DCAF1: variants seen among roughly 807,000 people sequenced by gnomAD.
The protein encoded by DCAF1 is DDB1- and CUL4-associated factor 1.
In DCAF1, 15 loss-of-function variants were observed where a neutral mutation model predicts 128.0. The ratio of observed to expected loss-of-function variants is 0.12; its 90% confidence interval spans 0.08 to 0.18. DCAF1 has a LOEUF of 0.18. Ranked by LOEUF, DCAF1 falls within the 10% of genes least tolerant of loss-of-function variation. The probability of loss-of-function intolerance (pLI) is 1.00; values close to 1 mark genes in which losing one functional copy is unlikely to be tolerated. For synonymous variants in DCAF1, 610 were observed against 603.0 expected (o/e 1.01, Z -0.17); for missense variants, 988 against 1,649.5 (o/e 0.60, Z 6.95).
At position 51,471,090 on chromosome 3, in the gene DCAF1, T is replaced by C. The variant is rs1304294525; in HGVS notation, c.111-85A>G. On this transcript the variant is annotated intron_variant, in intron 3 of 24. Transcript: ENST00000684031. Reference sequence around the variant, plus strand: ...ACAACAGTCAATTCAACGGTCAAGGTAGAAAATAAAAGCAAAGTTAGAAAA... The same window carrying C: ...ACAACAGTCAATTCAACGGTCAAGGCAGAAAATAAAAGCAAAGTTAGAAAA... 3.2e-5 allele frequency: 27 copies of C among 842,334 alleles called. No homozygotes were observed. The African/African-American group carries it at 4.4e-4, about 14-fold the overall frequency. The allele number at this position is 842,334 out of a possible 1,614,324, so 52.2% of individuals were successfully genotyped here. A position where few individuals can be genotyped will look rare whatever the true frequency, so the allele number is the denominator to read the frequency against.
downstream of DCAF1, chr3:51,397,263 G>A (rs1240680716): frequency 1.8e-5 from 3 of 167,104 alleles, no homozygotes; most frequent in Non-Finnish European, 4.4e-5. Flanking sequence ...TGGGGCGGGT[G>A]AGTGAAAAGG....
intron 3 of DCAF1, among the ~76,000 whole-genome samples, chr3:51,480,629 T>TA (rs1291285080): frequency 3.3e-5 from 5 of 150,954 alleles, no homozygotes; most frequent in African/African-American, 1.2e-4. Flanking sequence ...AGTTAATACT[T>TA]ACAGAAAGAG....
intron 2 of DCAF1, among the ~76,000 whole-genome samples, chr3:51,492,978 A>G (rs1707831560): frequency 6.6e-6 from 1 of 152,068 alleles, no homozygotes; most frequent in Non-Finnish European, 1.5e-5. Flanking sequence ...TGGGTGACAG[A>G]GCAAGACTCC....
chr3:51,423,924 A>C (rs1266220658), intron 13 of DCAF1, among the ~76,000 whole-genome samples: 3 of 152,174 alleles, frequency 2.0e-5, no homozygotes, highest in Non-Finnish European at 4.4e-5. Context: ...ACCCACATAG[A>C]CAAGAGCACC....
At chr3:51,407,183 C>CAAAAAA (rs1697921760) in intron 23 of DCAF1, among the ~76,000 whole-genome samples, 1 of 107,412 alleles carries the variant, frequency 9.3e-6, no homozygotes. Flanking sequence ...AAAAAAACAA[C>CAAAAAA]AACAAAACCG....
At chr3:51,466,939 T>TAA (rs1349735379) in intron 4 of DCAF1, 63 bp from the exon 5 acceptor site, 1 of 1,510,896 alleles carries the variant, frequency 6.6e-7, no homozygotes, top group African/African-American at 1.4e-5. Flanking sequence ...TCAAGCAACT[T>TAA]AGACCTCTGG....
intron 13 of DCAF1, among the ~76,000 whole-genome samples, chr3:51,423,289 CAAGACT>C (rs1284288441): frequency 6.6e-6 from 1 of 151,762 alleles, no homozygotes; most frequent in Non-Finnish European, 1.5e-5. Context: ...CTCAGGAGTT[CAAGACT>C]AGCCTGGGCA....
intron 6 of DCAF1, among the ~76,000 whole-genome samples, chr3:51,452,348 T>C (rs1360958521): frequency 2.0e-5 from 3 of 151,734 alleles, no homozygotes; most frequent in Non-Finnish European, 2.9e-5. Flanking sequence ...TTGCTATAAT[T>C]AAAATATTTT....
intron 2 of DCAF1, among the ~76,000 whole-genome samples, chr3:51,490,357 G>GT (rs1553657409): frequency 1.3e-5 from 2 of 152,128 alleles, no homozygotes; most frequent in African/African-American, 4.8e-5. Context: ...CCTGAGCCCA[G>GT]TAAGTTGAGG....
intron 4 of DCAF1, among the ~76,000 whole-genome samples, chr3:51,470,439 C>T (rs191719277): frequency 1.3e-5 from 2 of 152,160 alleles, no homozygotes; most frequent in East Asian, 1.9e-4. Context: ...TGATAGCACA[C>T]GCCTGTAGTC....
At chr3:51,486,256 G>A (rs973382604) in intron 2 of DCAF1, among the ~76,000 whole-genome samples, 2 of 149,830 alleles carry the variant, frequency 1.3e-5, no homozygotes, top group Non-Finnish European at 3.0e-5. Flanking sequence ...GCAGTAGCGC[G>A]GTCCCAGCTC....
chr3:51,452,205 C>T (rs1553641665), intron 6 of DCAF1, among the ~76,000 whole-genome samples: 3 of 152,072 alleles, frequency 2.0e-5, no homozygotes, highest in Non-Finnish European at 4.4e-5. Context: ...TGCACCACTA[C>T]ACCCACAAAG....
At chr3:51,411,082 AC>A (rs1698366065) in intron 23 of DCAF1, among the ~76,000 whole-genome samples, 1 of 149,632 alleles carries the variant, frequency 6.7e-6, no homozygotes, top group East Asian at 2.0e-4. Flanking sequence ...AATTGCTTGA[AC>A]CCCAGAGGTG....
chr3:51,421,108 T>A (rs782794575), intron 14 of DCAF1, 111 bp from the exon 15 acceptor site: 16 of 1,304,370 alleles, frequency 1.2e-5, no homozygotes, highest in Non-Finnish European at 1.4e-5. Context: ...TAAAAAACTA[T>A]ATTACTTTTG....
At chr3:51,402,566 ATT>A (rs540396047) in intron 24 of DCAF1, among the ~76,000 whole-genome samples, 103 of 84,966 alleles carry the variant, frequency 1.2e-3, no homozygotes, top group East Asian at 7.4e-3. Flanking sequence ...CCTACAAAGC[ATT>A]TTTTTTTTTT....
intron 18 of DCAF1, 21 bp from the exon 19 acceptor site, chr3:51,414,878 G>A (rs1553629795): frequency 6.2e-7 from 1 of 1,603,638 alleles, no homozygotes; most frequent in South Asian, 1.1e-5. Context: ...GAAGGGATGG[G>A]AAGAGAAAAA....
intron 3 of DCAF1, among the ~76,000 whole-genome samples, chr3:51,479,630 C>T (rs782434743): frequency 1.1e-4 from 17 of 151,862 alleles, no homozygotes; most frequent in South Asian, 2.1e-4. Flanking sequence ...CTCATCTCTA[C>T]TAAAAAATAT....
At chr3:51,438,746 G>A (rs1553637795) in intron 9 of DCAF1, among the ~76,000 whole-genome samples, 17 of 152,028 alleles carry the variant, frequency 1.1e-4, no homozygotes, top group Non-Finnish European at 1.5e-5. Context: ...CGAGTAGCTG[G>A]GATTATAGGC....
chr3:51,472,145 A>G (rs1436889282), intron 3 of DCAF1, among the ~76,000 whole-genome samples: 2 of 152,120 alleles, frequency 1.3e-5, no homozygotes, highest in African/African-American at 4.8e-5. Context: ...ATGGCCTGCA[A>G]TTATCTGGCT....
Sources: allele counts gnomAD v4.1 joint callset (sites outside exome capture counted in the v4.1 genomes callset), GRCh38; gene constraint gnomAD v4.1.1; transcripts MANE v1.5; gene names NCBI Gene and HGNC (gene_info 2026-07-23, HGNC 2026-07-21).